The following SH3RF1 variants were observed in gnomAD, a reference collection of about 807,000 sequenced individuals.
The protein encoded by SH3RF1 is SH3 domain containing ring finger 1.
SH3RF1 carries 32 observed loss-of-function variants against 74.0 expected under a neutral mutation model. The ratio of observed to expected loss-of-function variants is 0.43; its 90% CI spans 0.33 to 0.58. The LOEUF (loss-of-function observed/expected upper bound fraction) is 0.58. SH3RF1 is among the 20% of genes least tolerant of loss of function. The probability of loss-of-function intolerance (pLI) is 0.05; values close to 1 mark genes in which losing one functional copy is unlikely to be tolerated. For missense variants in SH3RF1, 954 were observed against 1,130.9 expected, an observed-to-expected ratio of 0.84 and a Z score of 2.24; for synonymous variants, 396 against 439.6, an observed-to-expected ratio of 0.90 and a Z score of 1.24.
intron 2 of SH3RF1, among the ~76,000 whole-genome samples, chr4:169,218,168 T>C (rs1730495870): frequency 6.8e-6 from 1 of 146,452 alleles, no homozygotes; most frequent in Non-Finnish European, 1.5e-5. Flanking sequence ...TATATCAATA[T>C]ATGTTAATGA....
intron 2 of SH3RF1, among the ~76,000 whole-genome samples, chr4:169,255,636 CA>C (rs1426062451): frequency 1.3e-5 from 2 of 150,182 alleles, no homozygotes; most frequent in Admixed American, 1.3e-4. Flanking sequence ...CACACACACA[CA>C]CACACACACA....
At chr4:169,201,776 AT>A (rs1434801205) in intron 2 of SH3RF1, 1 of 152,102 alleles carries the variant, frequency 6.6e-6, no homozygotes, top group Non-Finnish European at 1.5e-5. Context: ...TGTTGATTTT[AT>A]TTTTTCCAAT....
At chr4:169,113,508 A>C (rs554857873) in intron 10 of SH3RF1, among the ~76,000 whole-genome samples, 32 of 152,356 alleles carry the variant, frequency 2.1e-4, no homozygotes, top group Non-Finnish European at 3.8e-4. Context: ...AGAAAGGGAA[A>C]TAAAACTCTT....
chr4:169,199,378 GA>G (rs1308107092), intron 2 of SH3RF1, among the ~76,000 whole-genome samples: 2 of 152,138 alleles, frequency 1.3e-5, no homozygotes, highest in African/African-American at 2.4e-5. Flanking sequence ...CCTCTACACA[GA>G]CGTTCAAAGA....
Position 169,268,818 on chromosome 4 carries a change from A to T in SH3RF1, c.393+2T>A. ...ACCAAACTACCTCTGTAGGCTACTTACCCTCACTGGGGGGCTCCAGGATTG... is the reference window on the plus strand; with the variant it reads ...ACCAAACTACCTCTGTAGGCTACTTTCCCTCACTGGGGGGCTCCAGGATTG... On this transcript the variant is annotated splice_donor_variant, in intron 2 of 11. Transcript: ENST00000284637. LOFTEE classifies it high-confidence loss of function. 6.3e-7 allele frequency: 1 copy of T among 1,579,916 alleles called. No individual in the cohort carries two copies. The highest frequency in any genetic ancestry group is 8.6e-7 in the Non-Finnish European group (1 of 1,165,594).
intron 4 of SH3RF1, among the ~76,000 whole-genome samples, chr4:169,137,873 C>T (rs1471969599): frequency 6.6e-6 from 1 of 152,188 alleles, no homozygotes; most frequent in South Asian, 2.1e-4. Context: ...CTTGGGGACT[C>T]AAATTCAGGT....
chr4:169,222,370 C>G (rs1347482789), intron 2 of SH3RF1, among the ~76,000 whole-genome samples: 2 of 152,034 alleles, frequency 1.3e-5, no homozygotes, highest in Admixed American at 6.6e-5. Context: ...GAGGCTGACG[C>G]AGGAGAACTG....
Position 169,156,700 on chromosome 4 carries a change from T to C in SH3RF1, c.394-21A>G, listed in dbSNP as rs367787830. On this transcript the variant is annotated intron_variant, in intron 2 of 11. Transcript: ENST00000284637. ...ATACCCTTTAAAAAAAAAAGAGGGA[T>C]GAATTTTAATAAAATAATGGTCTTA... The C allele has an allele frequency of 3.2e-6, 5 of 1,545,656 alleles. No individual in the cohort carries two copies. The Admixed American group carries it at 6.2e-5, about 19-fold the overall frequency.
At chr4:169,222,784 G>A (rs1730588812) in intron 2 of SH3RF1, among the ~76,000 whole-genome samples, 1 of 152,090 alleles carries the variant, frequency 6.6e-6, no homozygotes, top group African/African-American at 2.4e-5. Flanking sequence ...TCTATTTTGT[G>A]ACACTTTAAC....
chr4:169,185,836 G>C (rs1734593746), intron 2 of SH3RF1, among the ~76,000 whole-genome samples: 2 of 152,274 alleles, frequency 1.3e-5, no homozygotes, highest in South Asian at 2.1e-4. Flanking sequence ...AGATCCGAGA[G>C]GGGGCAGCAA....
At chr4:169,143,681 C>T (rs1454813689) in intron 4 of SH3RF1, among the ~76,000 whole-genome samples, 5 of 152,106 alleles carry the variant, frequency 3.3e-5, no homozygotes, top group South Asian at 2.1e-4. Flanking sequence ...GGGAGGAACA[C>T]GGACTCCTAA....
chr4:169,218,295 T>G (rs1172429468), intron 2 of SH3RF1, among the ~76,000 whole-genome samples: 4 of 124,918 alleles, frequency 3.2e-5, no homozygotes, highest in East Asian at 4.8e-4. Context: ...ATATAATATA[T>G]AATATAAATA....
At chr4:169,120,365 G>A (rs1733417680) in intron 8 of SH3RF1, among the ~76,000 whole-genome samples, 1 of 152,222 alleles carries the variant, frequency 6.6e-6, no homozygotes, top group Admixed American at 6.5e-5. Context: ...TCTCAGACAA[G>A]CTGTATGATA....
chr4:169,151,312 GATA>G (rs1471649723), intron 4 of SH3RF1, among the ~76,000 whole-genome samples: 1 of 152,182 alleles, frequency 6.6e-6, no homozygotes, highest in African/African-American at 2.4e-5. Flanking sequence ...AATTTCTAGG[GATA>G]ATAATAACAA....
chr4:169,194,670 G>C (rs1451298834), intron 2 of SH3RF1, among the ~76,000 whole-genome samples: 1 of 152,100 alleles, frequency 6.6e-6, no homozygotes, highest in Non-Finnish European at 1.5e-5. Context: ...ATGCTATTAT[G>C]AATGTTCTTG....
chr4:169,187,791 C>A (rs1734633919), intron 2 of SH3RF1, among the ~76,000 whole-genome samples: 1 of 152,114 alleles, frequency 6.6e-6, no homozygotes, highest in Non-Finnish European at 1.5e-5. Context: ...GGTTGAACAA[C>A]ACGTTGTCCA....
At chr4:169,174,603 T>C (rs1734388013) in intron 2 of SH3RF1, among the ~76,000 whole-genome samples, 1 of 152,184 alleles carries the variant, frequency 6.6e-6, no homozygotes, top group Non-Finnish European at 1.5e-5. Context: ...CTTCTGACAT[T>C]TGCTCTTTTC....
At chr4:169,167,609 G>A (rs958579785) in intron 2 of SH3RF1, among the ~76,000 whole-genome samples, 9 of 151,954 alleles carry the variant, frequency 5.9e-5, no homozygotes, top group African/African-American at 2.2e-4. Context: ...ACTGACACAT[G>A]TGAGTAAAAA....
At chr4:169,198,900 A>G (rs1371418897) in intron 2 of SH3RF1, among the ~76,000 whole-genome samples, 2 of 152,208 alleles carry the variant, frequency 1.3e-5, no homozygotes, top group East Asian at 3.8e-4. Context: ...AACAAGAACA[A>G]GAGAAAAATA....
Sources: allele counts gnomAD v4.1 joint callset (sites outside exome capture counted in the v4.1 genomes callset), GRCh38; gene constraint gnomAD v4.1.1; transcripts MANE v1.5; gene names NCBI Gene and HGNC (gene_info 2026-07-23, HGNC 2026-07-21).